The following PAICS variants were observed in gnomAD, a reference collection of about 807,000 sequenced individuals.
PAICS encodes the protein phosphoribosylaminoimidazole carboxylase and phosphoribosylaminoimidazolesuccinocarboxamide synthase, also known as bifunctional phosphoribosylaminoimidazole carboxylase/phosphoribosylaminoimidazole succinocarboxamide synthetase.
PAICS carries 33 observed loss-of-function variants against 53.7 expected under a neutral mutation model. That is an observed-to-expected ratio of 0.61 (90% CI 0.47 to 0.82). The LOEUF (loss-of-function observed/expected upper bound fraction) is 0.82, where lower values mean the gene tolerates loss of function less well. Among genes scored for constraint, PAICS ranks in the 40% least tolerant of loss-of-function variants. PAICS has a pLI of 0.00. For synonymous variants in PAICS, 141 were observed against 167.2 expected (o/e 0.84, Z 1.21); for missense variants, 394 against 494.1 (o/e 0.80, Z 1.92).
At chr4:56,415,630 C>T in the PAICS span, among the ~76,000 whole-genome samples, 1 of 152,106 alleles carries the variant, frequency 6.6e-6, no homozygotes, top group Non-Finnish European at 1.5e-5. Flanking sequence ...TACTTAAAAA[C>T]TCTAAGCTAT....
At chr4:56,419,841 T>A in the PAICS span, 1 of 984,082 alleles carries the variant, frequency 1.0e-6, no homozygotes, top group African/African-American at 1.7e-5. Context: ...CTGGAAACAG[T>A]GCAGAACAAA....
chr4:56,444,835 A>G (rs1043331320), intron 2 of PAICS, among the ~76,000 whole-genome samples: 31 of 152,138 alleles, frequency 2.0e-4, no homozygotes, highest in African/African-American at 7.5e-4. Context: ...TCTTTATATT[A>G]AAAACAATAA....
intron 7 of PAICS, 135 bp from the exon 8 acceptor site, chr4:56,453,468 T>C: frequency 1.9e-6 from 1 of 523,242 alleles, no homozygotes; most frequent in Admixed American, 3.1e-5. Context: ...GTATCTTTTA[T>C]GTTTTTTCAG....
At chr4:56,438,371 TTATA>T (rs61681463) in intron 1 of PAICS, among the ~76,000 whole-genome samples, 3,204 of 113,618 alleles carry the variant, frequency 0.028, 92 homozygotes, top group East Asian at 0.16. Flanking sequence ...TGCAATGTGT[TTATA>T]TATATATATA....
the PAICS span, among the ~76,000 whole-genome samples, chr4:56,424,731 G>T: frequency 6.6e-6 from 1 of 152,208 alleles, no homozygotes; most frequent in Non-Finnish European, 1.5e-5. Flanking sequence ...GAAAATTTGT[G>T]TTTGACAATC....
At chr4:56,429,946 T>C in the PAICS span, among the ~76,000 whole-genome samples, 1 of 152,098 alleles carries the variant, frequency 6.6e-6, no homozygotes, top group African/African-American at 2.4e-5. Context: ...TTTATTACTG[T>C]AGAATAGTCC....
the PAICS span, among the ~76,000 whole-genome samples, chr4:56,426,707 G>A: frequency 2.6e-5 from 4 of 152,022 alleles, no homozygotes; most frequent in African/African-American, 9.7e-5. Context: ...CCATTTTCTG[G>A]CTCCTATGAA....
intron 1 of PAICS, among the ~76,000 whole-genome samples, chr4:56,439,541 G>C (rs751112893): frequency 6.6e-6 from 1 of 151,976 alleles, no homozygotes; most frequent in Non-Finnish European, 1.5e-5. Context: ...CCGGCCCACT[G>C]TTCTTTACCC....
At chr4:56,436,391 C>A in intron 1 of PAICS, 63 bp downstream of exon 1, 1 of 1,276,926 alleles carries the variant, frequency 7.8e-7, no homozygotes, top group Non-Finnish European at 1.1e-6. Context: ...AGCTCGCGGC[C>A]ACGTGCGAGC....
upstream of PAICS, among the ~76,000 whole-genome samples, chr4:56,432,358 T>A (rs1717630637): frequency 6.6e-6 from 1 of 151,948 alleles, no homozygotes; most frequent in South Asian, 2.1e-4. Context: ...TGAAACCCCG[T>A]CTCTGCTAAA....
chr4:56,449,446 GAAGACAGTGTGGTGATTCCTC>G (rs1167932960), intron 5 of PAICS, among the ~76,000 whole-genome samples: 3 of 152,176 alleles, frequency 2.0e-5, no homozygotes, highest in Non-Finnish European at 4.4e-5. Context: ...AGCCATTGTG[GAAGACAGTGTGGTGATTCCTC>G]AAGGATCTAG....
At chr4:56,425,095 A>G in the PAICS span, among the ~76,000 whole-genome samples, 1 of 152,210 alleles carries the variant, frequency 6.6e-6, no homozygotes, top group Admixed American at 6.5e-5. Context: ...CCAAAATTCA[A>G]AAAGTTCACA....
intron 1 of PAICS, among the ~76,000 whole-genome samples, chr4:56,441,407 A>C (rs906376670): frequency 6.6e-6 from 1 of 151,860 alleles, no homozygotes; most frequent in Non-Finnish European, 1.5e-5. Flanking sequence ...TAACTGCATG[A>C]CCCTCAACCC....
upstream of PAICS, among the ~76,000 whole-genome samples, chr4:56,432,525 CA>C (rs34998854): frequency 0.019 from 1,408 of 75,360 alleles, 3 homozygotes; most frequent in Non-Finnish European, 0.028. Context: ...GACCCTGTCT[CA>C]AAAAAAAAAA....
In PAICS at chr4:56,437,557, C is replaced by G. The variant is rs533161345; in HGVS notation, c.16+1229C>G. Among the ~76,000 whole-genome samples, 22 of 151,988 alleles carry G rather than the reference C, an allele frequency of 1.4e-4. No homozygotes were observed. In the South Asian group the frequency reaches 4.6e-3, roughly 32 times the overall value. ...TAGACTCAGGCCGGGCGCTGTGGCT[C>G]ACGCCTGTAATCCCCAGCACTTTGG... On this transcript the variant is annotated intron_variant, in intron 1 of 8. Transcript: ENST00000512576.
rs1718931247 is a variant in PAICS at position 56,451,826 on chromosome 4, A to AT, written c.772-41dup. ...ACTACAAACTCTAGCTCATTTATTC[A>AT]TTTTTGTTTTTATGTTCTTTTCATA... On this transcript the variant is annotated intron_variant, in intron 6 of 8. Coordinates refer to ENST00000512576, the MANE Select transcript of PAICS (RefSeq NM_001079524.2). 3.2e-6 allele frequency: 4 copies of AT among 1,238,586 alleles called. No individual in the cohort carries two copies. In the South Asian group the frequency reaches 6.8e-5, roughly 21 times the overall value. The allele number at this position is 1,238,586 out of a possible 1,614,324, so 76.7% of individuals were successfully genotyped here.
the PAICS span, among the ~76,000 whole-genome samples, chr4:56,429,909 T>G: frequency 6.6e-6 from 1 of 152,198 alleles, no homozygotes; most frequent in South Asian, 2.1e-4. Flanking sequence ...CACCCATGAC[T>G]TTACTCACAA....
At chr4:56,418,708 T>G in the PAICS span, among the ~76,000 whole-genome samples, 1 of 152,224 alleles carries the variant, frequency 6.6e-6, no homozygotes, top group Non-Finnish European at 1.5e-5. Context: ...CTTGTAAGTT[T>G]ATAATTCAGA....
At chr4:56,434,369 T>C (rs918996428), upstream of PAICS, among the ~76,000 whole-genome samples, 3 of 152,236 alleles carry the variant, frequency 2.0e-5, no homozygotes, top group Non-Finnish European at 2.9e-5. Flanking sequence ...CCAAGTTCCT[T>C]AACTGTAGTG....
Sources: allele counts gnomAD v4.1 joint callset (sites outside exome capture counted in the v4.1 genomes callset), GRCh38; gene constraint gnomAD v4.1.1; transcripts MANE v1.5; gene names NCBI Gene and HGNC (gene_info 2026-07-23, HGNC 2026-07-21).